Variants in MYO5B observed in about 807,000 individuals in gnomAD.
MYO5B encodes unconventional myosin-Vb.
MYO5B carries 143 observed loss-of-function variants against 229.3 expected under a neutral mutation model. The observed-to-expected ratio is 0.62, with a 90% CI of 0.54 to 0.72. MYO5B has a LOEUF of 0.72. Ranked by LOEUF, MYO5B falls within the 30% of genes least tolerant of loss-of-function variation. MYO5B has a pLI of 0.00. For missense variants in MYO5B, 2,321 were observed against 2,331.0 expected (o/e 1.00, Z 0.09); for synonymous variants, 918 against 885.2 (o/e 1.04, Z -0.66).
Position 49,995,432 on chromosome 18 carries a change from A to ATT in MYO5B, c.613-3003_613-3002dup, listed in dbSNP as rs33952487. On this transcript the variant is annotated intron_variant, in intron 5 of 39. Coordinates refer to ENST00000285039, the MANE Select transcript of MYO5B (RefSeq NM_001080467.3). The stretch of plus-strand genomic sequence containing the variant: ...ACCAGGCCTGGATAATTTTTTTTGT[A>ATT]TTTTTTTTTGTAGAGACAGGGTTTC... Among the ~76,000 whole-genome samples the ATT allele has an allele frequency of 4.0e-3, 600 of 148,740 alleles. 1 individual carries two copies. Among genetic ancestry groups the ATT allele is most frequent in the South Asian group, 0.01 (48 of 4,576 alleles).
At chr18:50,183,306 C>CATATCTATATATAT (rs2033098697) in intron 1 of MYO5B, among the ~76,000 whole-genome samples, 1 of 110,010 alleles carries the variant, frequency 9.1e-6, no homozygotes, top group African/African-American at 3.7e-5. Flanking sequence ...TCAATTTTAT[C>CATATCTATATATAT]ATATATATAT....
intron 5 of MYO5B, among the ~76,000 whole-genome samples, chr18:49,999,314 G>A (rs1443484521): frequency 6.6e-6 from 1 of 152,224 alleles, no homozygotes; most frequent in Non-Finnish European, 1.5e-5. Context: ...TTGTGGAGCG[G>A]CTGTCTTAGC....
intron 1 of MYO5B, among the ~76,000 whole-genome samples, chr18:50,168,057 A>G (rs1384162461): frequency 1.3e-5 from 2 of 152,256 alleles, no homozygotes; most frequent in Admixed American, 1.3e-4. Context: ...ATGAAGTACC[A>G]CATGGGGCCT....
chr18:49,845,441 T>A (rs1297624024), intron 33 of MYO5B, among the ~76,000 whole-genome samples: 3 of 152,234 alleles, frequency 2.0e-5, no homozygotes, highest in African/African-American at 7.2e-5. Context: ...CGGACTTCAG[T>A]CTTACATAAG....
chr18:50,074,217 G>A (rs981972739), intron 1 of MYO5B, among the ~76,000 whole-genome samples: 3 of 152,160 alleles, frequency 2.0e-5, no homozygotes, highest in African/African-American at 7.2e-5. Context: ...CAGATCTCAT[G>A]AGACTTATTC....
At chr18:49,953,414 A>C in intron 13 of MYO5B, 71 bp from the exon 14 acceptor site, 731 of 1,319,982 alleles carry the variant, frequency 5.5e-4, no homozygotes, top group Non-Finnish European at 7.4e-4. Context: ...CTTTCATCTC[A>C]TCCAGGTAGC....
intron 12 of MYO5B, among the ~76,000 whole-genome samples, chr18:49,955,392 T>C (rs762674090): frequency 2.0e-5 from 3 of 152,200 alleles, no homozygotes; most frequent in Non-Finnish European, 2.9e-5. Context: ...TCATCCCTGG[T>C]CATCGCTGCA....
chr18:50,154,469 T>C (rs543878093), intron 1 of MYO5B, among the ~76,000 whole-genome samples: 169 of 152,218 alleles, frequency 1.1e-3, no homozygotes, highest in Middle Eastern at 3.4e-3. Context: ...TACCTGCATA[T>C]TGGGGAAGGG....
chr18:49,851,685 C>G (rs564380581), intron 31 of MYO5B, among the ~76,000 whole-genome samples: 343 of 1,036 alleles, frequency 0.33, 1 homozygote, highest in African/African-American at 0.45. Flanking sequence ...CTACACAGAC[C>G]CCTTTCCCCA....
chr18:49,992,184 C>T (rs2025940323), intron 6 of MYO5B, 104 bp downstream of exon 6: 4 of 1,476,530 alleles, frequency 2.7e-6, no homozygotes, highest in Non-Finnish European at 3.8e-6. Context: ...CAATTCCAGG[C>T]TCACAAGAGA....
intron 24 of MYO5B, 21 bp downstream of exon 24, chr18:49,878,924 C>T: frequency 6.2e-7 from 1 of 1,614,052 alleles, no homozygotes; most frequent in Admixed American, 1.7e-5. Context: ...TGCCATGGCA[C>T]AGCAGAAGCA....
chr18:49,923,316 G>A (rs2025095098), intron 17 of MYO5B, among the ~76,000 whole-genome samples: 1 of 152,200 alleles, frequency 6.6e-6, no homozygotes. Flanking sequence ...CCCATGACTT[G>A]AATCTTTCAT....
chr18:50,094,626 A>C (rs936834527), intron 1 of MYO5B, among the ~76,000 whole-genome samples: 4 of 152,222 alleles, frequency 2.6e-5, no homozygotes, highest in African/African-American at 4.8e-5. Flanking sequence ...AACATTTACC[A>C]AACAAGGGAA....
At chr18:50,136,664 A>G (rs1204651231) in intron 1 of MYO5B, among the ~76,000 whole-genome samples, 1 of 152,192 alleles carries the variant, frequency 6.6e-6, no homozygotes, top group Non-Finnish European at 1.5e-5. Flanking sequence ...AGGAGTACGG[A>G]TCTTAGGGTC....
intron 4 of MYO5B, among the ~76,000 whole-genome samples, chr18:50,005,523 A>T (rs1395235632): frequency 6.6e-6 from 1 of 152,146 alleles, no homozygotes; most frequent in African/African-American, 2.4e-5. Flanking sequence ...CGATCCCCCA[A>T]CCACAGCTTC....
intron 9 of MYO5B, among the ~76,000 whole-genome samples, 173 bp from the exon 10 acceptor site, chr18:49,974,788 C>CAG (rs1555648471): frequency 2.2e-4 from 25 of 114,558 alleles, no homozygotes; most frequent in Non-Finnish European, 7.9e-5. Context: ...CTCACACACA[C>CAG]ACACACACAG....
intron 5 of MYO5B, among the ~76,000 whole-genome samples, chr18:50,001,029 G>C (rs540033618): frequency 6.6e-6 from 1 of 152,068 alleles, no homozygotes; most frequent in Admixed American, 6.6e-5. Flanking sequence ...GCAGAGTCAA[G>C]GGACATGGAG....
At chr18:50,121,738 C>T (rs184841653) in intron 1 of MYO5B, among the ~76,000 whole-genome samples, 8 of 152,318 alleles carry the variant, frequency 5.3e-5, no homozygotes, top group African/African-American at 1.7e-4. Context: ...CAAACCCAAA[C>T]AGGCACTGTC....
At chr18:50,176,199 A>G (rs2032994402) in intron 1 of MYO5B, among the ~76,000 whole-genome samples, 1 of 152,176 alleles carries the variant, frequency 6.6e-6, no homozygotes, top group Non-Finnish European at 1.5e-5. Flanking sequence ...TGCTAAAGTC[A>G]ATATTAAAGC....
Sources: gnomAD v4.1 joint callset for allele counts (sites outside exome capture counted in the v4.1 genomes callset) on GRCh38, gnomAD v4.1.1 for gene constraint, MANE v1.5 for transcripts, NCBI Gene and HGNC (gene_info 2026-07-23, HGNC 2026-07-21) for gene names.